BAIAP2L1: variants seen among roughly 807,000 people sequenced by gnomAD.
BAIAP2L1 encodes BAR/IMD domain-containing adapter protein 2-like 1.
Under a neutral mutation model 66.3 loss-of-function variants are expected in BAIAP2L1, and 35 were observed. That is an observed-to-expected ratio of 0.53 (90% CI 0.40 to 0.70). BAIAP2L1 has a LOEUF of 0.70. Ranked by LOEUF, BAIAP2L1 falls within the 30% of genes least tolerant of loss-of-function variation. The pLI is 0.00. For synonymous variants in BAIAP2L1, 269 were observed against 248.7 expected (o/e 1.08, Z -0.77); for missense variants, 622 against 656.9 (o/e 0.95, Z 0.58).
chr7:98,312,441 G>A (rs1156426744), intron 7 of BAIAP2L1, among the ~76,000 whole-genome samples, 177 bp from the exon 8 acceptor site: 3 of 152,158 alleles, frequency 2.0e-5, no homozygotes. Flanking sequence ...TGTCTCACCG[G>A]CTGAGAGGGG....
chr7:98,305,429 T>C (rs921633679), intron 11 of BAIAP2L1, among the ~76,000 whole-genome samples: 16 of 152,172 alleles, frequency 1.1e-4, no homozygotes, highest in African/African-American at 3.4e-4. Flanking sequence ...GGGATGAAGA[T>C]TGCAGACAGC....
intron 3 of BAIAP2L1, among the ~76,000 whole-genome samples, chr7:98,338,546 G>A (rs1399134728): frequency 6.6e-6 from 1 of 152,048 alleles, no homozygotes; most frequent in Non-Finnish European, 1.5e-5. Context: ...TGGATTTGCT[G>A]ATGCTGGGCA....
rs140030960 is a variant in BAIAP2L1 at position 98,303,379 on chromosome 7, TC to T, written c.1422+816del. Among the ~76,000 whole-genome samples the T allele has an allele frequency of 2.0e-3, 308 of 152,186 alleles. 9 individuals are homozygous for T. In the East Asian group the frequency reaches 0.054, roughly 27 times the overall value. On this transcript the variant is annotated intron_variant, in intron 12 of 13. Coordinates refer to ENST00000005260, the MANE Select transcript of BAIAP2L1 (RefSeq NM_018842.5). ...GTGCAGACACCACCACCCAGCCTCCTCCCCTTCACCCACAGGTCTCACACCA... is the reference window on the plus strand; with the variant it reads ...GTGCAGACACCACCACCCAGCCTCCTCCCTTCACCCACAGGTCTCACACCA...
intron 6 of BAIAP2L1, 76 bp downstream of exon 6, chr7:98,317,143 G>A (rs539714445): frequency 1.0e-4 from 159 of 1,586,108 alleles, no homozygotes; most frequent in South Asian, 2.0e-4. Context: ...GTGAGCCACC[G>A]CACCCGGCTA....
At chr7:98,317,412 A>C in intron 5 of BAIAP2L1, 56 bp from the exon 6 acceptor site, 1 of 1,600,136 alleles carries the variant, frequency 6.2e-7, no homozygotes, top group Non-Finnish European at 8.5e-7. Flanking sequence ...ATTGTCACAC[A>C]GTTTGCCTTT....
In BAIAP2L1 at chr7:98,387,393, C is replaced by G. The variant is rs1802920827; in HGVS notation, c.51+13409G>C. Among the ~76,000 whole-genome samples the G allele has an allele frequency of 2.6e-5, 4 of 152,234 alleles. No homozygotes were observed. In the South Asian group the frequency reaches 8.3e-4, roughly 32 times the overall value. On this transcript the variant is annotated intron_variant, in intron 1 of 13. Transcript: ENST00000005260. Reference sequence around the variant, plus strand: ...CTCATGTTGGTGGTAAAAGCTCAGCCCGTACCTAACAGGTGCTCACAACAT... The same window carrying G: ...CTCATGTTGGTGGTAAAAGCTCAGCGCGTACCTAACAGGTGCTCACAACAT...
rs1801312353 is a variant in BAIAP2L1 at position 98,323,866 on chromosome 7, T to C, written c.215-3568A>G. On this transcript the variant is annotated intron_variant, in intron 3 of 13. Coordinates refer to ENST00000005260, the MANE Select transcript of BAIAP2L1 (RefSeq NM_018842.5). ...TCTGCAAGTAGCCGAAAGAGTATCT[T>C]GAAGCGGAAGATGAAAACACCCTTT... is the stretch of plus-strand genomic sequence containing the variant. 3.3e-5 allele frequency among the ~76,000 whole-genome samples: 5 copies of C among 152,342 alleles called. No homozygotes were observed. In the South Asian group the frequency reaches 1.0e-3, roughly 32 times the overall value.
At chr7:98,365,087 C>CT (rs928961841) in intron 1 of BAIAP2L1, among the ~76,000 whole-genome samples, 36 of 138,628 alleles carry the variant, frequency 2.6e-4, no homozygotes, top group Non-Finnish European at 4.0e-4. Flanking sequence ...TCCTATGTGA[C>CT]TTTTTTTTAA....
At chr7:98,386,114 G>A in intron 1 of BAIAP2L1, 1 of 1,589,076 alleles carries the variant, frequency 6.3e-7, no homozygotes, top group Non-Finnish European at 8.5e-7. Flanking sequence ...CGGACCTGTT[G>A]GTGCTGAGCA....
intron 1 of BAIAP2L1, among the ~76,000 whole-genome samples, chr7:98,378,947 A>C (rs947519291): frequency 2.6e-5 from 4 of 151,932 alleles, no homozygotes; most frequent in Non-Finnish European, 5.9e-5. Context: ...CTGCTGCCTC[A>C]GCTTCCCGAG....
rs78381012 is a variant in BAIAP2L1 at position 98,292,604 on chromosome 7, A to G, written c.*917T>C. 14 of 1,548,068 alleles carry G rather than the reference A, an allele frequency of 9.0e-6. No individual in the cohort carries two copies. The East Asian group carries it at 3.4e-4, about 38-fold the overall frequency. The stretch of plus-strand genomic sequence containing the variant: ...CATAGGGCCAGGTTCCGAGGGCATC[A>G]TGGCTGCTAGGCTGAAAAACCCGCC... On this transcript the variant is annotated 3_prime_UTR_variant, in exon 14 of 14. Transcript: ENST00000005260.
intron 3 of BAIAP2L1, among the ~76,000 whole-genome samples, chr7:98,344,037 T>TG (rs1417218850): frequency 6.6e-6 from 1 of 152,076 alleles, no homozygotes; most frequent in Non-Finnish European, 1.5e-5. Flanking sequence ...AAAAATCAGC[T>TG]GGGTGTGGTG....
intron 1 of BAIAP2L1, among the ~76,000 whole-genome samples, chr7:98,391,830 A>G (rs955389338): frequency 1.3e-5 from 2 of 152,096 alleles, no homozygotes; most frequent in Non-Finnish European, 2.9e-5. Flanking sequence ...AAAAACAGAA[A>G]TCTAACGTCT....
intron 1 of BAIAP2L1, among the ~76,000 whole-genome samples, chr7:98,377,975 A>C (rs112819968): frequency 6.6e-6 from 1 of 151,848 alleles, no homozygotes; most frequent in African/African-American, 2.4e-5. Context: ...ACTAAAAAAA[A>C]AAAATACAAA....
intron 3 of BAIAP2L1, among the ~76,000 whole-genome samples, chr7:98,328,298 C>G (rs1439345243): frequency 6.6e-6 from 1 of 152,144 alleles, no homozygotes; most frequent in African/African-American, 2.4e-5. Flanking sequence ...CTGGATCAGC[C>G]TCTATAGAGA....
chr7:98,305,596 T>C (rs969629714), intron 11 of BAIAP2L1, among the ~76,000 whole-genome samples: 2 of 152,052 alleles, frequency 1.3e-5, no homozygotes, highest in African/African-American at 4.8e-5. Flanking sequence ...AATTGTTTAT[T>C]TTTTTTGTAG....
chr7:98,387,311 T>C (rs989374861), intron 1 of BAIAP2L1, among the ~76,000 whole-genome samples: 1 of 152,120 alleles, frequency 6.6e-6, no homozygotes, highest in African/African-American at 2.4e-5. Flanking sequence ...TGGTTTCTGG[T>C]GGTAACCATG....
chr7:98,338,043 T>C (rs916932153), intron 3 of BAIAP2L1, among the ~76,000 whole-genome samples: 1 of 152,256 alleles, frequency 6.6e-6, no homozygotes, highest in Non-Finnish European at 1.5e-5. Context: ...TTTAGTGGTA[T>C]AATATACAAA....
chr7:98,387,867 T>C, intron 1 of BAIAP2L1, among the ~76,000 whole-genome samples: 1 of 145,480 alleles, frequency 6.9e-6, no homozygotes, highest in African/African-American at 2.5e-5. Context: ...AGACCCTGTC[T>C]CAAAACAAAA....
Sources: allele counts gnomAD v4.1 joint callset (sites outside exome capture counted in the v4.1 genomes callset), GRCh38; gene constraint gnomAD v4.1.1; transcripts MANE v1.5; gene names NCBI Gene and HGNC (gene_info 2026-07-23, HGNC 2026-07-21).